Variants in LRRFIP2 observed in about 807,000 individuals in gnomAD.
LRRFIP2 encodes the protein LRR binding FLII interacting protein 2, also known as leucine-rich repeat flightless-interacting protein 2.
Under a neutral mutation model 125.9 loss-of-function variants are expected in LRRFIP2, and 109 were observed. The observed-to-expected ratio is 0.87, with a 90% confidence interval of 0.74 to 1.01. The LOEUF (loss-of-function observed/expected upper bound fraction) is 1.01, where lower values mean the gene tolerates loss of function less well. Ranked by LOEUF, LRRFIP2 falls within the 50% of genes least tolerant of loss-of-function variation. LRRFIP2 has a pLI of 0.00. For synonymous variants in LRRFIP2, 291 were observed against 293.1 expected (o/e 0.99, Z 0.07); for missense variants, 850 against 862.3 (o/e 0.99, Z 0.18).
chr3:37,113,913 T>A (rs1266161076), intron 7 of LRRFIP2, among the ~76,000 whole-genome samples: 1 of 152,054 alleles, frequency 6.6e-6, no homozygotes, highest in African/African-American at 2.4e-5. Flanking sequence ...TATGGGGAAA[T>A]TAAGGCTAGC....
intron 13 of LRRFIP2, among the ~76,000 whole-genome samples, chr3:37,106,680 C>T (rs568977544): frequency 7.9e-5 from 12 of 151,852 alleles, no homozygotes; most frequent in Non-Finnish European, 1.6e-4. Flanking sequence ...CAGTGGTTCA[C>T]GCCTGTAATC....
At chr3:37,133,914 T>A (rs2095491219) in intron 2 of LRRFIP2, among the ~76,000 whole-genome samples, 2 of 152,196 alleles carry the variant, frequency 1.3e-5, no homozygotes, top group South Asian at 4.1e-4. Context: ...TCGGCTGATA[T>A]GACCCCAACT....
Position 37,066,339 on chromosome 3 carries a change from A to G in LRRFIP2, c.1465-14T>C, listed in dbSNP as rs2148793281. 6.3e-7 allele frequency: 1 copy of G among 1,599,532 alleles called. No homozygotes were observed. The highest frequency in any genetic ancestry group is 1.7e-4 in the Middle Eastern group (1 of 6,046). On this transcript the variant is annotated splice_polypyrimidine_tract_variant and intron_variant, in intron 21 of 27. Transcript: ENST00000336686. ...TTTCTCTAGGGCCTGGTTTTAGGTAAGGTAGCAAGGGAAACAATGGCACAG... is the reference window on the plus strand; with the variant it reads ...TTTCTCTAGGGCCTGGTTTTAGGTAGGGTAGCAAGGGAAACAATGGCACAG...
intron 20 of LRRFIP2, 41 bp downstream of exon 20, chr3:37,074,983 T>C: frequency 5.7e-6 from 8 of 1,395,572 alleles, no homozygotes; most frequent in Non-Finnish European, 8.1e-6. Flanking sequence ...TTCAACTCAT[T>C]TTTTTTCAAA....
At position 37,110,538 on chromosome 3, in the gene LRRFIP2, C is replaced by T. The variant is rs377376363; in HGVS notation, c.513+453G>A. 5.3e-5 allele frequency among the ~76,000 whole-genome samples: 8 copies of T among 152,202 alleles called. No individual in the cohort carries two copies. The East Asian group carries it at 5.8e-4, about 11-fold the overall frequency. On this transcript the variant is annotated intron_variant, in intron 9 of 27. Coordinates refer to ENST00000336686, the MANE Select transcript of LRRFIP2 (RefSeq NM_006309.4). ...AAATAATTACATTCTTCTCATGCCA[C>T]GTGTTTACATTTTTATATGTAAGCT...
chr3:37,110,813 C>T (rs74693255), intron 9 of LRRFIP2, among the ~76,000 whole-genome samples, 178 bp downstream of exon 9: 2 of 152,190 alleles, frequency 1.3e-5, no homozygotes, highest in East Asian at 3.9e-4. Context: ...AACATGATGA[C>T]TGAATAGTTC....
intron 19 of LRRFIP2, among the ~76,000 whole-genome samples, chr3:37,081,527 T>C (rs2092637170): frequency 6.6e-6 from 1 of 151,978 alleles, no homozygotes; most frequent in South Asian, 2.1e-4. Flanking sequence ...TCACAAAGTG[T>C]TCTGCATCAC....
chr3:37,125,329 G>C (rs1463506177), intron 4 of LRRFIP2, among the ~76,000 whole-genome samples: 2 of 152,148 alleles, frequency 1.3e-5, no homozygotes, highest in East Asian at 3.9e-4. Context: ...AATCACCACT[G>C]ATTAAGAAAG....
At chr3:37,077,021 A>T (rs904050324) in intron 19 of LRRFIP2, among the ~76,000 whole-genome samples, 1 of 152,216 alleles carries the variant, frequency 6.6e-6, no homozygotes. Flanking sequence ...ACAAAATACT[A>T]GCAAAAGTTC....
chr3:37,114,923 CTT>C lies in LRRFIP2; in HGVS notation c.372+129_372+130del, dbSNP rs756217196. 604 of 661,628 alleles carry C rather than the reference CTT, an allele frequency of 9.1e-4. 1 individual carries two copies. The Middle Eastern group carries it at 0.028, about 31-fold the overall frequency. 41.0% of individuals were successfully genotyped at this position (661,628 alleles called of 1,614,324 possible). A position where few individuals can be genotyped will look rare whatever the true frequency, so the allele number is the denominator to read the frequency against. On this transcript the variant is annotated intron_variant, in intron 7 of 27. Coordinates refer to ENST00000336686, the MANE Select transcript of LRRFIP2 (RefSeq NM_006309.4). ...ACAACCACAAAACATTAGCTTTTTG[CTT>C]TGTTAGTCACACATTTTCCCCAAAA...
In LRRFIP2 at chr3:37,083,741, A is replaced by G. The variant is rs767729095; in HGVS notation, c.1173T>C (p.Asn391=). The change falls in exon 19 of 28, where the codon AAT becomes AAC. Residue 391 remains asparagine (N), a synonymous_variant. Transcript: ENST00000336686. ...KAMVSNAQLD[N]EKNNLIYQVD... ...CTTGGTAGATCAAATTGTTCTTCTC[A>G]TTGTCTAACTGTGCATTGGAAACCA... is the stretch of plus-strand genomic sequence containing the variant. The G allele has an allele frequency of 3.1e-6, 5 of 1,602,420 alleles. No individual in the cohort carries two copies. The East Asian group carries it at 9.1e-5, about 29-fold the overall frequency.
chr3:37,102,068 T>C (rs1008075775), intron 15 of LRRFIP2, among the ~76,000 whole-genome samples: 1 of 152,230 alleles, frequency 6.6e-6, no homozygotes, highest in Non-Finnish European at 1.5e-5. Flanking sequence ...TATTCAACTT[T>C]CTAAGTCTAC....
chr3:37,107,584 A>G (rs2094388544), intron 13 of LRRFIP2, among the ~76,000 whole-genome samples: 1 of 152,208 alleles, frequency 6.6e-6, no homozygotes, highest in South Asian at 2.1e-4. Context: ...ACTTTTAAAA[A>G]TACTCTAGAA....
chr3:37,107,907 A>C (rs567383248), intron 13 of LRRFIP2, among the ~76,000 whole-genome samples, 166 bp downstream of exon 13: 1 of 152,356 alleles, frequency 6.6e-6, no homozygotes, highest in South Asian at 2.1e-4. Context: ...TAGAGAAATC[A>C]CCAATTATTA....
chr3:37,053,882 G>A lies in LRRFIP2; in HGVS notation c.2135C>T (p.Ala712Val). The change falls in exon 28 of 28, where the codon GCC becomes GTC. Residue 712 changes from alanine to valine, a missense_variant. Coordinates refer to ENST00000336686, the MANE Select transcript of LRRFIP2 (RefSeq NM_006309.4). ...HLAKRLEKMK[A>V]NRTALLAQQ The stretch of plus-strand genomic sequence containing the variant: ...CTGGGCCAGAAGTGCTGTCCTATTG[G>A]CCTTCATCTTCTCCAGCCGCTTGGC... The A allele has an allele frequency of 1.2e-6, 2 of 1,613,970 alleles. No homozygotes were observed. Among genetic ancestry groups the A allele is most frequent in the Non-Finnish European group, 1.7e-6 (2 of 1,179,860 alleles).
intron 4 of LRRFIP2, among the ~76,000 whole-genome samples, chr3:37,122,434 AAGTATACTTAACAAAGAGAACTT>A (rs1192197205): frequency 6.6e-6 from 1 of 152,164 alleles, no homozygotes; most frequent in Non-Finnish European, 1.5e-5. Context: ...AAAAATGTGC[AAGTATACTTAACAAAGAGAACTT>A]GAGTTCAGCA....
chr3:37,111,200 T>C (rs1296802763), intron 8 of LRRFIP2, 135 bp from the exon 9 acceptor site: 3 of 605,622 alleles, frequency 5.0e-6, no homozygotes, highest in African/African-American at 3.7e-5. Context: ...TGTTTTTAAA[T>C]CATCATATCA....
At chr3:37,088,475 T>C (rs1021828762) in intron 18 of LRRFIP2, among the ~76,000 whole-genome samples, 3 of 150,172 alleles carry the variant, frequency 2.0e-5, no homozygotes, top group East Asian at 2.0e-4. Context: ...CCAGGAGTTG[T>C]AGATGAGCCT....
intron 6 of LRRFIP2, among the ~76,000 whole-genome samples, chr3:37,117,970 A>T (rs1232297981): frequency 6.6e-6 from 1 of 152,242 alleles, no homozygotes; most frequent in African/African-American, 2.4e-5. Flanking sequence ...TATTTTAAAA[A>T]TTAAATTCAT....
Sources: gnomAD v4.1 joint callset for allele counts (sites outside exome capture counted in the v4.1 genomes callset) on GRCh38, gnomAD v4.1.1 for gene constraint, MANE v1.5 for transcripts, NCBI Gene and HGNC (gene_info 2026-07-23, HGNC 2026-07-21) for gene names.